COX7B: variants seen among roughly 807,000 people sequenced by gnomAD.
The protein encoded by COX7B is cytochrome c oxidase subunit 7B.
Under a neutral mutation model 7.9 loss-of-function variants are expected in COX7B, and 2 were observed. That is an observed-to-expected ratio of 0.25 (90% CI 0.10 to 0.79). COX7B has a LOEUF of 0.79. Among genes scored for constraint, COX7B ranks in the 30% least tolerant of loss-of-function variants. The probability of loss-of-function intolerance (pLI) is 0.69; values close to 1 mark genes in which losing one functional copy is unlikely to be tolerated. For synonymous variants in COX7B, 19 were observed against 21.1 expected (o/e 0.90, Z 0.27); for missense variants, 54 against 62.7 (o/e 0.86, Z 0.47).
At chrX:77,903,753 T>G (rs1336876353) in intron 2 of COX7B, among the ~76,000 whole-genome samples, 1 of 111,242 alleles carries the variant, frequency 9.0e-6, no homozygotes, top group African/African-American at 3.3e-5. Context: ...TTAACAATTT[T>G]TCTTTTAAAA....
At chrX:77,904,721 C>G (rs1557220954) in intron 2 of COX7B, among the ~76,000 whole-genome samples, 1 of 110,624 alleles carries the variant, frequency 9.0e-6, no homozygotes, top group African/African-American at 3.3e-5. Flanking sequence ...AATGTTTGAT[C>G]AGAGGAGCTT....
intron 2 of COX7B, 145 bp downstream of exon 2, chrX:77,902,912 G>C (rs2077124494): frequency 2.0e-6 from 1 of 490,651 alleles, no homozygotes; most frequent in South Asian, 6.5e-5. Context: ...ACAGTGCAGG[G>C]GATTTTTTCC....
chrX:77,902,493 G>A, intron 1 of COX7B, 150 bp from the exon 2 acceptor site: 1 of 537,990 alleles, frequency 1.9e-6, no homozygotes, highest in Non-Finnish European at 2.9e-6. Flanking sequence ...TGCTTTAATA[G>A]CTACAATATG....
Position 77,905,385 on chromosome X carries a change from A to G in COX7B, c.*124A>G. 1 of 493,685 alleles carries G rather than the reference A, an allele frequency of 2.0e-6. No homozygotes were observed. The highest frequency in any genetic ancestry group is 3.4e-6 in the Non-Finnish European group (1 of 294,831). The allele number at this position is 493,685 out of a possible 1,213,427, so 40.7% of individuals were successfully genotyped here. A position where few individuals can be genotyped will look rare whatever the true frequency, so the allele number is the denominator to read the frequency against. On this transcript the variant is annotated 3_prime_UTR_variant, in exon 3 of 3. Coordinates refer to ENST00000650309, the MANE Select transcript of COX7B (RefSeq NM_001866.3). ...GAAATAAAGTACATTTGAAACCTTC[A>G]TTGTAGGTTTTGTTTCTTTGTAAAT...
intron 1 of COX7B, among the ~76,000 whole-genome samples, chrX:77,900,970 C>G (rs1251014976): frequency 9.0e-6 from 1 of 111,499 alleles, no homozygotes; most frequent in African/African-American, 3.3e-5. Flanking sequence ...GTCTTAATTT[C>G]TTTGCTCTTT....
chrX:77,903,895 G>C (rs1201564558), intron 2 of COX7B, among the ~76,000 whole-genome samples: 1 of 108,134 alleles, frequency 9.2e-6, no homozygotes, highest in Non-Finnish European at 1.9e-5. Context: ...CTAAAAGTAG[G>C]AGTCCTGAAG....
Position 77,905,349 on chromosome X carries a change from G to A in COX7B, c.*88G>A, listed in dbSNP as rs1416428829. 2 of 678,662 alleles carry A rather than the reference G, an allele frequency of 2.9e-6. No homozygotes were observed. The allele number at this position is 678,662 out of a possible 1,213,427, so 55.9% of individuals were successfully genotyped here. On this transcript the variant is annotated 3_prime_UTR_variant, in exon 3 of 3. Coordinates refer to ENST00000650309, the MANE Select transcript of COX7B (RefSeq NM_001866.3). ...AGCACTGTGTACCCATTAAGATATG[G>A]CATTATTGAAGAAATAAAGTACATT...
At chrX:77,900,326 C>CTGCA (rs1417968316) in intron 1 of COX7B, among the ~76,000 whole-genome samples, 4 of 112,248 alleles carry the variant, frequency 3.6e-5, no homozygotes, top group African/African-American at 9.7e-5. Context: ...AAGACTGCTA[C>CTGCA]TGCACTCCAG....
intron 1 of COX7B, among the ~76,000 whole-genome samples, chrX:77,901,022 T>G (rs1322223382): frequency 9.1e-6 from 1 of 109,492 alleles, no homozygotes; most frequent in Non-Finnish European, 1.9e-5. Context: ...AGGTTTTTTG[T>G]TTTTTTTTCA....
chrX:77,906,245 G>C lies in COX7B; in HGVS notation c.*984G>C, dbSNP rs1603367455. On this transcript the variant is annotated 3_prime_UTR_variant, in exon 3 of 3. Coordinates refer to ENST00000650309, the MANE Select transcript of COX7B (RefSeq NM_001866.3). ...GGATTTTGGTTATGCCTACTACTAT[G>C]TGCCTCTCATTTGTATTTATACCTG... The C allele has an allele frequency of 8.9e-6, 1 of 112,122 alleles. No homozygotes were observed. Among genetic ancestry groups the C allele is most frequent in the South Asian group, 3.7e-4 (1 of 2,727 alleles). The allele number at this position is 112,122 out of a possible 1,213,427, so 9.2% of individuals were successfully genotyped here.
chrX:77,899,878 C>T, intron 1 of COX7B, among the ~76,000 whole-genome samples: 1 of 111,577 alleles, frequency 9.0e-6, no homozygotes, highest in Admixed American at 9.6e-5. Flanking sequence ...TCTTGGTAGA[C>T]ACCTCGTTCC....
At position 77,905,368 on chromosome X, in the gene COX7B, G is replaced by T. The variant is rs1241864113; in HGVS notation, c.*107G>T. On this transcript the variant is annotated 3_prime_UTR_variant, in exon 3 of 3. Coordinates refer to ENST00000650309, the MANE Select transcript of COX7B (RefSeq NM_001866.3). ...GATATGGCATTATTGAAGAAATAAAGTACATTTGAAACCTTCATTGTAGGT... is the reference window on the plus strand; with the variant it reads ...GATATGGCATTATTGAAGAAATAAATTACATTTGAAACCTTCATTGTAGGT... The T allele has an allele frequency of 3.6e-6, 2 of 555,129 alleles. No individual in the cohort carries two copies. Among genetic ancestry groups the T allele is most frequent in the African/African-American group, 4.7e-5 (2 of 42,523 alleles). The allele number at this position is 555,129 out of a possible 1,213,427, so 45.7% of individuals were successfully genotyped here. A position where few individuals can be genotyped will look rare whatever the true frequency, so the allele number is the denominator to read the frequency against.
In COX7B at chrX:77,899,553, G is replaced by A. The variant is rs1557220461; in HGVS notation, c.-1G>A. On this transcript the variant is annotated 5_prime_UTR_variant, in exon 1 of 3. Transcript: ENST00000650309. ...GCCGCAGTTCTAGCTTCACCTTCAC[G>A]ATGTTTCCCTTGGTCAAAAGCGCAC... is the stretch of plus-strand genomic sequence containing the variant. The A allele has an allele frequency of 1.7e-6, 2 of 1,211,228 alleles. No individual in the cohort carries two copies. The highest frequency in any genetic ancestry group is 3.0e-5 in the East Asian group (1 of 33,867).
chrX:77,907,371 A>G lies in COX7B; in HGVS notation c.*2110A>G, dbSNP rs1442074648. ...TTTAAGGAAGTGTCAACCTTCAATT[A>G]TATACCTTTTTGTCACTGAATTAAC... On this transcript the variant is annotated 3_prime_UTR_variant, in exon 3 of 3. Transcript: ENST00000650309. The G allele has an allele frequency of 2.7e-5, 3 of 112,266 alleles. No homozygotes were observed. The highest frequency in any genetic ancestry group is 3.8e-5 in the Non-Finnish European group (2 of 53,323). 9.3% of individuals were successfully genotyped at this position (112,266 alleles called of 1,213,427 possible).
Position 77,905,200 on chromosome X carries a change from G to C in COX7B, c.182G>C (p.Gly61Ala). The C allele has an allele frequency of 8.3e-7, 1 of 1,209,161 alleles. No homozygotes were observed. Among genetic ancestry groups the C allele is most frequent in the Non-Finnish European group, 1.1e-6 (1 of 893,673 alleles). ...TTCTTACAGGTAGCAACACAAGTCGGAATAGAATGGAACCTGTCCCCTGTT... is the reference window on the plus strand; with the variant it reads ...TTCTTACAGGTAGCAACACAAGTCGCAATAGAATGGAACCTGTCCCCTGTT... ...VTWTYVATQVGIEWNLSPVGR... is the reference protein window; with the variant it reads ...VTWTYVATQVAIEWNLSPVGR... Residue 61 changes from glycine (G) to alanine (A), a missense_variant, in exon 3 of 3, where the codon GGA (glycine) becomes GCA (alanine). Physicochemically the swap from Gly to Ala is moderately conservative, Grantham distance 60. Transcript: ENST00000650309.
intron 1 of COX7B, among the ~76,000 whole-genome samples, chrX:77,899,949 A>G (rs2077116350): frequency 1.8e-5 from 2 of 112,071 alleles, no homozygotes; most frequent in Admixed American, 1.9e-4. Flanking sequence ...TGTATAGAAA[A>G]ATATCTTCTC....
At position 77,907,045 on chromosome X, in the gene COX7B, C is replaced by G. The variant is rs989385537; in HGVS notation, c.*1784C>G. 3.6e-5 allele frequency: 4 copies of G among 109,921 alleles called. No individual in the cohort carries two copies. The East Asian group carries it at 1.1e-3, about 31-fold the overall frequency. 9.1% of individuals were successfully genotyped at this position (109,921 alleles called of 1,213,427 possible). A position where few individuals can be genotyped will look rare whatever the true frequency, so the allele number is the denominator to read the frequency against. Reference sequence around the variant, plus strand: ...ATCAATTAAGCAGAAAGTAGAATTTCAGTCAGGTAACCTGTCTATATTAGC... The same window carrying G: ...ATCAATTAAGCAGAAAGTAGAATTTGAGTCAGGTAACCTGTCTATATTAGC... On this transcript the variant is annotated 3_prime_UTR_variant, in exon 3 of 3. Coordinates refer to ENST00000650309, the MANE Select transcript of COX7B (RefSeq NM_001866.3).
chrX:77,904,598 C>T (rs1393968676), intron 2 of COX7B, among the ~76,000 whole-genome samples: 3 of 106,401 alleles, frequency 2.8e-5, no homozygotes, highest in East Asian at 3.0e-4. Flanking sequence ...GAGTTGAGAT[C>T]GTGCCACTGT....
chrX:77,907,326 T>A lies in COX7B; in HGVS notation c.*2065T>A, dbSNP rs1396273089. 3 of 112,213 alleles carry A rather than the reference T, an allele frequency of 2.7e-5. No homozygotes were observed. Among genetic ancestry groups the A allele is most frequent in the Non-Finnish European group, 5.6e-5 (3 of 53,284 alleles). The allele number at this position is 112,213 out of a possible 1,213,427, so 9.2% of individuals were successfully genotyped here. A position where few individuals can be genotyped will look rare whatever the true frequency, so the allele number is the denominator to read the frequency against. On this transcript the variant is annotated 3_prime_UTR_variant, in exon 3 of 3. Coordinates refer to ENST00000650309, the MANE Select transcript of COX7B (RefSeq NM_001866.3). ...AAATACATACAACCCTGAGCGATATTGAAGTAAAATAAACATGTATTTAAG... is the reference window on the plus strand; with the variant it reads ...AAATACATACAACCCTGAGCGATATAGAAGTAAAATAAACATGTATTTAAG...
Sources: allele counts gnomAD v4.1 joint callset (sites outside exome capture counted in the v4.1 genomes callset), GRCh38; gene constraint gnomAD v4.1.1; transcripts MANE v1.5; gene names NCBI Gene and HGNC (gene_info 2026-07-23, HGNC 2026-07-21).